GLIS3: variants seen among roughly 807,000 people sequenced by gnomAD.
The protein encoded by GLIS3 is zinc finger protein GLIS3.
A neutral mutation model predicts 78.6 loss-of-function variants in GLIS3; 53 were observed. The ratio of observed to expected loss-of-function variants is 0.67; its 90% CI spans 0.54 to 0.85. The LOEUF (loss-of-function observed/expected upper bound fraction) is 0.85. Among genes scored for constraint, GLIS3 ranks in the 40% least tolerant of loss-of-function variants. The pLI is 0.00. For missense variants in GLIS3, 1,703 were observed against 1,231.1 expected (o/e 1.38, Z -5.74); for synonymous variants, 684 against 509.9 (o/e 1.34, Z -4.60).
chr9:3,887,749 C>G (rs1174672964), intron 7 of GLIS3, among the ~76,000 whole-genome samples: 3 of 152,202 alleles, frequency 2.0e-5, no homozygotes, highest in African/African-American at 7.2e-5. Flanking sequence ...TACCATCAAG[C>G]ATTCCTAAAT....
intron 2 of GLIS3, among the ~76,000 whole-genome samples, chr9:4,313,408 G>A (rs1817394069): frequency 6.6e-6 from 1 of 152,042 alleles, no homozygotes; most frequent in Non-Finnish European, 1.5e-5. Flanking sequence ...GATGTTTCTG[G>A]CATCAGCTTC....
At chr9:3,895,129 G>A (rs1422573749) in intron 7 of GLIS3, among the ~76,000 whole-genome samples, 1 of 152,170 alleles carries the variant, frequency 6.6e-6, no homozygotes, top group Non-Finnish European at 1.5e-5. Flanking sequence ...TGATATCTCA[G>A]ACTCACCAAA....
rs1166366716 is a variant in GLIS3, at chr9:4,299,962, C to T, written c.-640G>A. 2 of 151,920 alleles carry T rather than the reference C, an allele frequency of 1.3e-5. No individual in the cohort carries two copies. Among genetic ancestry groups the T allele is most frequent in the Non-Finnish European group, 2.9e-5 (2 of 68,016 alleles). 9.4% of individuals were successfully genotyped at this position (151,920 alleles called of 1,614,324 possible). A position where few individuals can be genotyped will look rare whatever the true frequency, so the allele number is the denominator to read the frequency against. On this transcript the variant is annotated 5_prime_UTR_variant, in exon 1 of 11. Coordinates refer to ENST00000381971, the MANE Select transcript of GLIS3 (RefSeq NM_001042413.2). Reference sequence around the variant, plus strand: ...ACTCGCCGCCGGTGCCCGTGCGCGCCGCGCTCTGGGCTGCCCGGGCGGCGC... The same window carrying T: ...ACTCGCCGCCGGTGCCCGTGCGCGCTGCGCTCTGGGCTGCCCGGGCGGCGC...
At chr9:4,282,161 G>T (rs1182958952) in intron 2 of GLIS3, among the ~76,000 whole-genome samples, 1 of 152,294 alleles carries the variant, frequency 6.6e-6, no homozygotes, top group African/African-American at 2.4e-5. Flanking sequence ...GCTTCCCTAA[G>T]AGTTGCTATA....
intron 4 of GLIS3, among the ~76,000 whole-genome samples, chr9:4,053,705 TAAA>T (rs760535978): frequency 1.1e-5 from 1 of 91,124 alleles, no homozygotes; most frequent in Non-Finnish European, 2.3e-5. Context: ...TCTTTCTTCA[TAAA>T]AAAAAAAAAA....
chr9:4,065,131 C>T (rs1826985608), intron 4 of GLIS3, among the ~76,000 whole-genome samples: 1 of 152,150 alleles, frequency 6.6e-6, no homozygotes, highest in African/African-American at 2.4e-5. Context: ...GCCTAGATTT[C>T]TGATTTTTCC....
rs1828000501 is a variant in GLIS3 at position 4,286,363 on chromosome 9, C to T, written c.63G>A (p.Arg21=). The part of the protein sequence containing the change: ...HRTSGTPQGP[R]MVSGHHIPAI... ...CAGGAATGTGATGACCACTGACCAT[C>T]CTAGGCCCCTGTGGGGTTCCCGATG... Residue 21 remains arginine, a synonymous_variant, in exon 2 of 11, where the codon AGG becomes AGA. Coordinates refer to ENST00000381971, the MANE Select transcript of GLIS3 (RefSeq NM_001042413.2). 2 of 1,614,196 alleles carry T rather than the reference C, an allele frequency of 1.2e-6. No homozygotes were observed. Among genetic ancestry groups the T allele is most frequent in the South Asian group, 1.1e-5 (1 of 91,086 alleles).
the GLIS3 span, among the ~76,000 whole-genome samples, chr9:4,399,165 G>C: frequency 6.6e-6 from 1 of 152,162 alleles, no homozygotes; most frequent in South Asian, 2.1e-4. Flanking sequence ...GATATTGACT[G>C]CTGCCAACAC....
chr9:3,970,888 T>G (rs777233979), intron 4 of GLIS3, among the ~76,000 whole-genome samples: 3 of 151,842 alleles, frequency 2.0e-5, no homozygotes, highest in Non-Finnish European at 4.4e-5. Flanking sequence ...ATTGGCTGTA[T>G]TTGCCCTGCT....
At chr9:4,283,098 T>TACACAC (rs5896058) in intron 2 of GLIS3, among the ~76,000 whole-genome samples, 25 of 149,034 alleles carry the variant, frequency 1.7e-4, no homozygotes, top group African/African-American at 6.2e-4. Flanking sequence ...CACAAACACA[T>TACACAC]ACACACACAC....
At chr9:4,044,021 G>A (rs867005811) in intron 4 of GLIS3, among the ~76,000 whole-genome samples, 1 of 152,170 alleles carries the variant, frequency 6.6e-6, no homozygotes, top group Non-Finnish European at 1.5e-5. Context: ...CACAGGTAAG[G>A]GCCAAGAGGG....
the GLIS3 span, among the ~76,000 whole-genome samples, chr9:4,388,790 G>A: frequency 1.3e-5 from 2 of 152,172 alleles, no homozygotes; most frequent in South Asian, 2.1e-4. Flanking sequence ...AAGAAAGAGA[G>A]TAAGAATAAA....
At chr9:4,427,524 A>C in the GLIS3 span, among the ~76,000 whole-genome samples, 1 of 152,140 alleles carries the variant, frequency 6.6e-6, no homozygotes, top group African/African-American at 2.4e-5. Context: ...GGTCTGCAGG[A>C]TTTCCCTGCC....
chr9:4,455,767 T>C, the GLIS3 span, among the ~76,000 whole-genome samples: 1 of 152,190 alleles, frequency 6.6e-6, no homozygotes, highest in South Asian at 2.1e-4. Context: ...ATAAAAAGAA[T>C]ATTGCAATAA....
At chr9:4,215,756 T>C (rs1233515684) in intron 2 of GLIS3, among the ~76,000 whole-genome samples, 1 of 152,206 alleles carries the variant, frequency 6.6e-6, no homozygotes, top group Admixed American at 6.5e-5. Context: ...CCTCATAACA[T>C]TGTGGTACTA....
At chr9:4,338,697 C>A (rs948050542) in intron 2 of GLIS3, among the ~76,000 whole-genome samples, 1 of 152,174 alleles carries the variant, frequency 6.6e-6, no homozygotes, top group African/African-American at 2.4e-5. Context: ...AGTGTAAGTA[C>A]TGGAGATTGG....
At chr9:4,347,094 A>G (rs1052770088) in exon 2 of GLIS3, 3 of 152,776 alleles carry the variant, frequency 2.0e-5, no homozygotes, top group Non-Finnish European at 2.9e-5. Context: ...TCTGCAGGCT[A>G]TACAAGAAGC....
intron 2 of GLIS3, among the ~76,000 whole-genome samples, chr9:4,192,240 A>T (rs979238565): frequency 6.6e-6 from 1 of 152,214 alleles, no homozygotes; most frequent in Non-Finnish European, 1.5e-5. Context: ...TTTCATTTAT[A>T]ACATTACACA....
At chr9:3,971,621 C>A (rs887341989) in intron 4 of GLIS3, among the ~76,000 whole-genome samples, 17 of 152,150 alleles carry the variant, frequency 1.1e-4, no homozygotes, top group African/African-American at 4.1e-4. Flanking sequence ...GGTCTAAGCA[C>A]AACAAACTAA....
Sources: gnomAD v4.1 joint callset for allele counts (sites outside exome capture counted in the v4.1 genomes callset) on GRCh38, gnomAD v4.1.1 for gene constraint, MANE v1.5 for transcripts, NCBI Gene and HGNC (gene_info 2026-07-23, HGNC 2026-07-21) for gene names.